Variants in PTPRM observed in about 807,000 individuals in gnomAD.
PTPRM encodes the protein receptor-type tyrosine-protein phosphatase mu.
A neutral mutation model predicts 186.7 loss-of-function variants in PTPRM; 47 were observed. The ratio of observed to expected loss-of-function variants is 0.25; its 90% CI spans 0.20 to 0.32. PTPRM has a LOEUF of 0.32. Among genes scored for constraint, PTPRM ranks in the 10% least tolerant of loss-of-function variants. The pLI, the probability that PTPRM is intolerant of heterozygous loss-of-function variation, is 1.00. For synonymous variants in PTPRM, 668 were observed against 674.9 expected (o/e 0.99, Z 0.16); for missense variants, 1,494 against 1,865.0 (o/e 0.80, Z 3.66).
intron 7 of PTPRM, among the ~76,000 whole-genome samples, chr18:8,066,504 C>A (rs16952797): frequency 2.6e-5 from 4 of 152,052 alleles, no homozygotes; most frequent in African/African-American, 2.4e-5. Flanking sequence ...GTCAAAGAGG[C>A]CTTCATCCCT....
chr18:8,141,811 G>A (rs1217065053), intron 13 of PTPRM, among the ~76,000 whole-genome samples: 1 of 152,096 alleles, frequency 6.6e-6, no homozygotes, highest in Non-Finnish European at 1.5e-5. Flanking sequence ...AAACCAATTT[G>A]ATTTTATTTT....
At chr18:7,791,127 T>C (rs1375513882) in intron 2 of PTPRM, among the ~76,000 whole-genome samples, 1 of 152,214 alleles carries the variant, frequency 6.6e-6, no homozygotes, top group Non-Finnish European at 1.5e-5. Context: ...TTTACTTACC[T>C]TTTATGCCAT....
At chr18:7,669,084 G>T (rs1445797145) in intron 1 of PTPRM, among the ~76,000 whole-genome samples, 2 of 152,056 alleles carry the variant, frequency 1.3e-5, no homozygotes, top group Non-Finnish European at 2.9e-5. Flanking sequence ...GTGCTGGACT[G>T]CCATGCTATG....
At chr18:8,104,275 G>A (rs181890311) in intron 11 of PTPRM, among the ~76,000 whole-genome samples, 1 of 152,234 alleles carries the variant, frequency 6.6e-6, no homozygotes, top group Admixed American at 6.5e-5. Context: ...ATTAAGCTGG[G>A]TACGCCTTTA....
intron 7 of PTPRM, among the ~76,000 whole-genome samples, chr18:8,010,573 T>C (rs1369487882): frequency 6.6e-6 from 1 of 152,114 alleles, no homozygotes; most frequent in Admixed American, 6.5e-5. Flanking sequence ...AATGTTAAAA[T>C]GTTCATATTG....
intron 14 of PTPRM, among the ~76,000 whole-genome samples, chr18:8,235,519 AC>A (rs2094336447): frequency 7.4e-6 from 1 of 134,782 alleles, no homozygotes; most frequent in African/African-American, 2.9e-5. Flanking sequence ...AATCTTTTCA[AC>A]CAGTTTTTAG....
chr18:7,921,632 G>A (rs917264214), intron 4 of PTPRM, among the ~76,000 whole-genome samples: 5 of 151,930 alleles, frequency 3.3e-5, no homozygotes, highest in South Asian at 2.1e-4. Flanking sequence ...TGCCCTCCTC[G>A]GCCTCTCAAA....
intron 1 of PTPRM, among the ~76,000 whole-genome samples, chr18:7,688,119 T>C (rs1486264839): frequency 1.3e-5 from 2 of 152,164 alleles, no homozygotes; most frequent in Non-Finnish European, 2.9e-5. Context: ...CGTGCCTTCA[T>C]GGAGGCATAC....
At chr18:8,338,098 G>A (rs1450824742) in intron 22 of PTPRM, among the ~76,000 whole-genome samples, 1 of 151,892 alleles carries the variant, frequency 6.6e-6, no homozygotes, top group African/African-American at 2.4e-5. Flanking sequence ...GAAATGGAGT[G>A]GAGGAAACAG....
intron 1 of PTPRM, among the ~76,000 whole-genome samples, chr18:7,737,804 T>C (rs2040803439): frequency 6.6e-6 from 1 of 152,202 alleles, no homozygotes; most frequent in Admixed American, 6.5e-5. Context: ...TGAGACACGC[T>C]GAAAACCAAA....
At chr18:7,726,130 C>T (rs999079446) in intron 1 of PTPRM, among the ~76,000 whole-genome samples, 6 of 152,136 alleles carry the variant, frequency 3.9e-5, no homozygotes, top group East Asian at 1.9e-4. Flanking sequence ...GAGTAGAATT[C>T]GCCCCTGCCA....
At position 8,253,378 on chromosome 18, in the gene PTPRM, G is replaced by C. The variant is rs2094546809; in HGVS notation, c.2718G>C (p.Lys906Asn). 2 of 1,567,274 alleles carry C rather than the reference G, an allele frequency of 1.3e-6. No homozygotes were observed. The highest frequency in any genetic ancestry group is 1.7e-6 in the Non-Finnish European group (2 of 1,156,846). The change falls in exon 19 of 33, where the codon AAG becomes AAC. Residue 906 changes from lysine (K) to asparagine (N), a missense_variant. Around this residue, in one of 3 missense-constraint regions of PTPRM, gnomAD observed 1,107 missense variants for 1,350.2 expected, o/e 0.82. Transcript: ENST00000580170. ...ADLLQHITQM[K>N]CAEGYGFKEE... ...TCCTTCAGCACATCACACAGATGAA[G>C]TGTGCGGAGGGCTACGGCTTCAAGG...
intron 19 of PTPRM, among the ~76,000 whole-genome samples, chr18:8,283,596 T>C (rs1373111362): frequency 6.6e-6 from 1 of 152,206 alleles, no homozygotes; most frequent in Non-Finnish European, 1.5e-5. Flanking sequence ...GCATTTGTTA[T>C]CTTGTGTTAT....
chr18:7,579,270 TG>T (rs1298614023), intron 1 of PTPRM, among the ~76,000 whole-genome samples: 1 of 152,198 alleles, frequency 6.6e-6, no homozygotes, highest in Non-Finnish European at 1.5e-5. Flanking sequence ...TGCAGATTCC[TG>T]GCCCCACCAG....
At chr18:8,350,391 C>T (rs746070482) in intron 23 of PTPRM, among the ~76,000 whole-genome samples, 2 of 152,186 alleles carry the variant, frequency 1.3e-5, no homozygotes, top group Non-Finnish European at 2.9e-5. Flanking sequence ...TCCCCCCAAA[C>T]CTGCTGATAT....
At chr18:7,836,379 G>T (rs1451316875) in intron 2 of PTPRM, among the ~76,000 whole-genome samples, 1 of 152,036 alleles carries the variant, frequency 6.6e-6, no homozygotes, top group Admixed American at 6.6e-5. Context: ...AACGAATAAT[G>T]CTCTGTGCCT....
intron 9 of PTPRM, among the ~76,000 whole-genome samples, 168 bp downstream of exon 9, chr18:8,076,732 T>A (rs1211729719): frequency 1.3e-5 from 2 of 152,100 alleles, no homozygotes; most frequent in Admixed American, 1.3e-4. Context: ...AAAATAAGTT[T>A]TTGAATTATA....
chr18:7,569,989 G>T (rs572419805), intron 1 of PTPRM, among the ~76,000 whole-genome samples: 1 of 152,280 alleles, frequency 6.6e-6, no homozygotes, highest in African/African-American at 2.4e-5. Context: ...AGCTGGGTGT[G>T]GTGGCGTGTG....
chr18:7,589,468 A>G (rs2037066834), intron 1 of PTPRM, among the ~76,000 whole-genome samples: 2 of 152,078 alleles, frequency 1.3e-5, no homozygotes, highest in African/African-American at 4.8e-5. Context: ...TCATGGTAGG[A>G]ATGCTGGAGC....
Sources: gnomAD v4.1 joint callset for allele counts (sites outside exome capture counted in the v4.1 genomes callset) on GRCh38, gnomAD v4.1.1 for gene constraint, gnomAD v4.1.1 regional missense constraint, MANE v1.5 for transcripts, NCBI Gene and HGNC (gene_info 2026-07-23, HGNC 2026-07-21) for gene names.